CHKB: variants seen among roughly 807,000 people sequenced by gnomAD.
The protein encoded by CHKB is choline kinase beta, also known as choline/ethanolamine kinase.
Under a neutral mutation model 57.3 loss-of-function variants are expected in CHKB, and 45 were observed. The observed-to-expected ratio is 0.79, with a 90% CI of 0.62 to 1.01. The LOEUF (loss-of-function observed/expected upper bound fraction) is 1.01. Ranked by LOEUF, CHKB falls within the 50% of genes least tolerant of loss-of-function variation. The pLI, the probability that CHKB is intolerant of heterozygous loss-of-function variation, is 0.00. For missense variants in CHKB, 517 were observed against 502.8 expected (o/e 1.03, Z -0.27); for synonymous variants, 224 against 201.8 (o/e 1.11, Z -0.93).
In CHKB at chr22:50,581,764, C is replaced by T. The variant is rs1374991317; in HGVS notation, c.432G>A (p.Leu144=). The change falls in exon 3 of 11, where the codon CTG becomes CTA. Residue 144 remains leucine (L), a synonymous_variant. Coordinates refer to ENST00000406938, the MANE Select transcript of CHKB (RefSeq NM_005198.5). The stretch of plus-strand genomic sequence containing the variant: ...GGGCCCGTACTGGGATGTACTGTTC[C>T]AGCCGGCCCTCTGGGAAGACTCCGT... The part of the protein sequence containing the change: ...QLYGVFPEGR[L]EQYIPSRPLK... 8.1e-6 allele frequency: 13 copies of T among 1,613,750 alleles called. No homozygotes were observed. The highest frequency in any genetic ancestry group is 2.2e-5 in the East Asian group (1 of 44,886).
chr22:50,582,468 G>C (rs767634040), intron 1 of CHKB, 90 bp downstream of exon 1: 14 of 1,482,090 alleles, frequency 9.4e-6, no homozygotes, highest in South Asian at 1.3e-5. Flanking sequence ...GGCGCAAGAG[G>C]GGGGCGAAAA....
chr22:50,579,351 AG>A, intron 10 of CHKB, 74 bp downstream of exon 10: 1 of 1,581,460 alleles, frequency 6.3e-7, no homozygotes. Context: ...GGGACTCCCC[AG>A]GCCTCCTGGA....
At chr22:50,581,315 C>T in intron 4 of CHKB, 105 bp downstream of exon 4, 2 of 1,434,542 alleles carry the variant, frequency 1.4e-6, no homozygotes, top group Non-Finnish European at 1.9e-6. Context: ...CAGCCCATGA[C>T]ATCAGATCCA....
Position 50,580,550 on chromosome 22 carries a change from C to T in CHKB, c.677+15G>A. ...CGGACACCATTACCATTAGCCTTGT[C>T]CTGCCTGCCCTCACCTGAGGTTGCC... On this transcript the variant is annotated intron_variant, in intron 5 of 10. Coordinates refer to ENST00000406938, the MANE Select transcript of CHKB (RefSeq NM_005198.5). 3 of 1,613,936 alleles carry T rather than the reference C, an allele frequency of 1.9e-6. No individual in the cohort carries two copies. Among genetic ancestry groups the T allele is most frequent in the African/African-American group, 2.7e-5 (2 of 75,034 alleles).
chr22:50,582,695 C>G lies in CHKB; in HGVS notation c.87G>C (p.Pro29=), dbSNP rs1188208897. Residue 29 remains proline, a synonymous_variant, in exon 1 of 11, where the codon CCG becomes CCC. Coordinates refer to ENST00000406938, the MANE Select transcript of CHKB (RefSeq NM_005198.5). ...CGCGCCGCCGTTTTGGGGTAGTGTC[C>G]GGGCACTTAGACTGCTGCAAGCCGT... ...AKDGLQQSKC[P]DTTPKRRRAS... 2 of 1,610,392 alleles carry G rather than the reference C, an allele frequency of 1.2e-6. No homozygotes were observed. The highest frequency in any genetic ancestry group is 1.3e-5 in the African/African-American group (1 of 74,938).
intron 9 of CHKB, 81 bp from the exon 10 acceptor site, chr22:50,579,588 C>G (rs1289404009): frequency 1.7e-5 from 26 of 1,548,482 alleles, no homozygotes; most frequent in Non-Finnish European, 2.2e-5. Flanking sequence ...GTTGGCCAAT[C>G]CCTACAGTTT....
rs569158018 is a variant in CHKB at position 50,580,120 on chromosome 22, C to T, written c.819-38G>A. ...GGTGGACATTCAGTCCCCAAATGCC[C>T]TGGGCAGCTGGCCTGTTTTCAAGAG... is the stretch of plus-strand genomic sequence containing the variant. On this transcript the variant is annotated intron_variant, in intron 7 of 10. Coordinates refer to ENST00000406938, the MANE Select transcript of CHKB (RefSeq NM_005198.5). The T allele has an allele frequency of 5.0e-6, 8 of 1,613,250 alleles. No homozygotes were observed. In the Admixed American group the frequency reaches 1.0e-4, roughly 20 times the overall value.
In CHKB at chr22:50,580,383, G is replaced by T. The variant is rs773724394; in HGVS notation, c.711C>A (p.Val237=). 1.4e-5 allele frequency: 23 copies of T among 1,613,928 alleles called. No homozygotes were observed. In the South Asian group the frequency reaches 2.5e-4, roughly 18 times the overall value. The change falls in exon 6 of 11, where the codon GTC becomes GTA. Residue 237 remains valine (V), a synonymous_variant. Coordinates refer to ENST00000406938, the MANE Select transcript of CHKB (RefSeq NM_005198.5). ...KLLESTPSPV[V]FCHNDIQEGN... ...CTTCCTGGATGTCATTGTGGCAGAA[G>T]ACGACTGGCGATGGGGTAGACTCTA...
At position 50,579,421 on chromosome 22, in the gene CHKB, C is replaced by T. The variant is rs1193395098; in HGVS notation, c.1113+5G>A. ...GCTAGCATTCCCATCCCCAGGGTCA[C>T]TTACCAAGTAACCAAATTCTATGGT... On this transcript the variant is annotated splice_donor_5th_base_variant and intron_variant, in intron 10 of 10. Transcript: ENST00000406938. 3 of 1,612,592 alleles carry T rather than the reference C, an allele frequency of 1.9e-6. No individual in the cohort carries two copies. The highest frequency in any genetic ancestry group is 4.5e-5 in the East Asian group (2 of 44,856).
In CHKB at chr22:50,579,220, C is replaced by A; in HGVS notation, c.1149G>T (p.Gln383His). 6.2e-7 allele frequency: 1 copy of A among 1,613,898 alleles called. No individual in the cohort carries two copies. Among genetic ancestry groups the A allele is most frequent in the Non-Finnish European group, 8.5e-7 (1 of 1,179,926 alleles). Residue 383 changes from glutamine to histidine, a missense_variant, in exon 11 of 11, where the codon CAG becomes CAT. Transcript: ENST00000406938. ...YAQSRFQFYF[Q>H]QKGQLTSVHS... The stretch of plus-strand genomic sequence containing the variant: ...GGACACTGGTCAGCTGCCCCTTCTG[C>A]TGGAAGTAGAACTGGAACCGAGACT...
At chr22:50,582,456 C>T in intron 1 of CHKB, 99 bp from the exon 2 acceptor site, 1 of 1,463,690 alleles carries the variant, frequency 6.8e-7, no homozygotes, top group Non-Finnish European at 9.1e-7. Context: ...GCCCCAGGCG[C>T]GGGCGCAAGA....
Position 50,579,964 on chromosome 22 carries a change from G to C in CHKB, c.927+10C>G, listed in dbSNP as rs549171476. ...GATGGGTCCTGCTCCCCAGCCTCTG[G>C]CCCACATACCTGCTGTTCTTGAGTG... On this transcript the variant is annotated intron_variant, in intron 8 of 10. Coordinates refer to ENST00000406938, the MANE Select transcript of CHKB (RefSeq NM_005198.5). 23 of 1,612,722 alleles carry C rather than the reference G, an allele frequency of 1.4e-5. No individual in the cohort carries two copies. In the South Asian group the frequency reaches 2.5e-4, roughly 18 times the overall value.
rs1184989204 is a variant in CHKB, at chr22:50,582,810, G to C, written c.-29C>G. On this transcript the variant is annotated 5_prime_UTR_variant, in exon 1 of 11. Coordinates refer to ENST00000406938, the MANE Select transcript of CHKB (RefSeq NM_005198.5). ...GCGGGCTCGACCGGGCCCCAGGCCAGGCTGCGCTCCGCTCCCTTCGGACGG... is the reference window on the plus strand; with the variant it reads ...GCGGGCTCGACCGGGCCCCAGGCCACGCTGCGCTCCGCTCCCTTCGGACGG... 3 of 1,536,392 alleles carry C rather than the reference G, an allele frequency of 2.0e-6. No individual in the cohort carries two copies. The highest frequency in any genetic ancestry group is 1.4e-5 in the African/African-American group (1 of 72,172).
In CHKB at chr22:50,579,175, G is replaced by A. The variant is rs551576081; in HGVS notation, c.*6C>T. On this transcript the variant is annotated 3_prime_UTR_variant, in exon 11 of 11. Coordinates refer to ENST00000406938, the MANE Select transcript of CHKB (RefSeq NM_005198.5). ...CAGGAGAAATCCAAGGAGTGGGAGGGTGGAGTCAGGATGAGGAGTGGACAC... is the reference window on the plus strand; with the variant it reads ...CAGGAGAAATCCAAGGAGTGGGAGGATGGAGTCAGGATGAGGAGTGGACAC... 3.7e-6 allele frequency: 6 copies of A among 1,613,076 alleles called. No homozygotes were observed. Among genetic ancestry groups the A allele is most frequent in the Middle Eastern group, 1.7e-4 (1 of 6,060 alleles).
rs1197538748 is a variant in CHKB, at chr22:50,582,594, C to T, written c.188G>A (p.Arg63Gln). 2 of 1,610,492 alleles carry T rather than the reference C, an allele frequency of 1.2e-6. No individual in the cohort carries two copies. The highest frequency in any genetic ancestry group is 1.1e-5 in the South Asian group (1 of 90,880). ...AACCCTCAGCTCCTCGGGCTGCACT[C>T]GGCGCCAGGCCCCGCCCAAGTACTC... The part of the protein sequence containing the change: ...CREYLGGAWR[R>Q]VQPEELRVYP... The change falls in exon 1 of 11, where the codon CGA (arginine) becomes CAA (glutamine). Residue 63 changes from arginine to glutamine, a missense_variant. Physicochemically the swap from Arg to Gln is conservative, Grantham distance 43. Transcript: ENST00000406938.
Position 50,581,807 on chromosome 22 carries a change from G to A in CHKB, c.389C>T (p.Ser130Leu), listed in dbSNP as rs760126717. 1.9e-6 allele frequency: 3 copies of A among 1,613,804 alleles called. No homozygotes were observed. The highest frequency in any genetic ancestry group is 1.1e-5 in the South Asian group (1 of 91,064). The change falls in exon 3 of 11, where the codon TCG becomes TTG. Residue 130 changes from serine to leucine, a missense_variant. Ser to Leu is a moderately radical substitution (Grantham distance 145). Coordinates refer to ENST00000406938, the MANE Select transcript of CHKB (RefSeq NM_005198.5). ...GACTCCGTACAGCTGGGGCCCCAGCGACCGCTCCGCAAGTATGGCGAACAT... is the reference window on the plus strand; with the variant it reads ...GACTCCGTACAGCTGGGGCCCCAGCAACCGCTCCGCAAGTATGGCGAACAT... ...SVMFAILAER[S>L]LGPQLYGVFP...
intron 9 of CHKB, 28 bp downstream of exon 9, chr22:50,579,699 C>T (rs745355779): frequency 1.9e-6 from 3 of 1,588,488 alleles, no homozygotes; most frequent in South Asian, 2.2e-5. Context: ...CTGCTCTGCC[C>T]TACCCCACCC....
rs545858755 is a variant in CHKB, at chr22:50,582,017, T to TG, written c.334-156dup. 667 of 789,620 alleles carry TG rather than the reference T, an allele frequency of 8.4e-4. 11 individuals carry two copies. The highest frequency in any genetic ancestry group is 8.3e-3 in the South Asian group (570 of 68,760). 48.9% of individuals were successfully genotyped at this position (789,620 alleles called of 1,614,324 possible). ...GCGTTGGTCTATTTTTATTTAGAGA[T>TG]GGGGGTCTCACTATGTTGTCCAGGC... is the stretch of plus-strand genomic sequence containing the variant. On this transcript the variant is annotated intron_variant, in intron 2 of 10. Coordinates refer to ENST00000406938, the MANE Select transcript of CHKB (RefSeq NM_005198.5).
intron 6 of CHKB, 31 bp from the exon 7 acceptor site, chr22:50,580,302 C>G: frequency 6.2e-7 from 1 of 1,613,616 alleles, no homozygotes; most frequent in Non-Finnish European, 8.5e-7. Flanking sequence ...TCTGCTCACT[C>G]CAGAGCCCTC....
Sources: gnomAD v4.1 joint callset for allele counts on GRCh38, gnomAD v4.1.1 for gene constraint, MANE v1.5 for transcripts, NCBI Gene and HGNC (gene_info 2026-07-23, HGNC 2026-07-21) for gene names.